The following EPB41 variants were observed in gnomAD, a reference collection of about 807,000 sequenced individuals.
EPB41 encodes erythrocyte membrane protein band 4.1, also known as protein 4.1.
A neutral mutation model predicts 108.0 loss-of-function variants in EPB41; 65 were observed. The ratio of observed to expected loss-of-function variants is 0.60; its 90% confidence interval spans 0.49 to 0.74. The LOEUF is 0.74. Among genes scored for constraint, EPB41 ranks in the 30% least tolerant of loss-of-function variants. The probability of loss-of-function intolerance (pLI) is 0.00; values close to 1 mark genes in which losing one functional copy is unlikely to be tolerated. For missense variants in EPB41, 875 were observed against 1,037.0 expected (o/e 0.84, Z 2.15); for synonymous variants, 336 against 358.9 (o/e 0.94, Z 0.72).
chr1:28,925,580 G>A (rs1019309649), intron 1 of EPB41, among the ~76,000 whole-genome samples: 3 of 152,120 alleles, frequency 2.0e-5, no homozygotes, highest in African/African-American at 4.8e-5. Context: ...TGACATTGGA[G>A]CAGAGTCCTA....
intron 16 of EPB41, among the ~76,000 whole-genome samples, chr1:29,092,514 A>T (rs1661636566): frequency 6.6e-6 from 1 of 152,160 alleles, no homozygotes; most frequent in Non-Finnish European, 1.5e-5. Flanking sequence ...TGCAGATGTC[A>T]CTTGCCATAA....
chr1:28,911,173 CTGGCAA>C, upstream of EPB41: 1 of 985,406 alleles, frequency 1.0e-6, no homozygotes, highest in Non-Finnish European at 1.2e-6. Context: ...TGTGATAGGC[CTGGCAA>C]CACTCAGAGA....
intron 1 of EPB41, among the ~76,000 whole-genome samples, chr1:28,929,826 G>A (rs1480600888): frequency 4.1e-5 from 6 of 148,072 alleles, no homozygotes; most frequent in South Asian, 2.1e-4. Context: ...GAGCCACCGC[G>A]CCTGGCACTG....
chr1:28,899,091 T>C (rs955018027), intron 1 of EPB41, among the ~76,000 whole-genome samples: 1 of 152,132 alleles, frequency 6.6e-6, no homozygotes, highest in Admixed American at 6.5e-5. Context: ...CAGTGCAAGA[T>C]CACACAGTAG....
chr1:29,028,254 T>C (rs72874975), intron 7 of EPB41, among the ~76,000 whole-genome samples: 1 of 152,276 alleles, frequency 6.6e-6, no homozygotes, highest in Middle Eastern at 3.4e-3. Flanking sequence ...GGAGTGAGTA[T>C]AGGGAAGATT....
At chr1:28,924,996 C>A (rs894189631) in intron 1 of EPB41, among the ~76,000 whole-genome samples, 1 of 143,114 alleles carries the variant, frequency 7.0e-6, no homozygotes, top group Non-Finnish European at 1.5e-5. Flanking sequence ...GATGGAGTCT[C>A]GCTCTGTCAC....
intron 16 of EPB41, among the ~76,000 whole-genome samples, chr1:29,079,346 C>T (rs1020018297): frequency 2.0e-5 from 3 of 151,760 alleles, no homozygotes; most frequent in African/African-American, 4.8e-5. Context: ...GTGTTTTAAG[C>T]GCTGGTATAA....
chr1:28,948,936 C>A (rs568086237), intron 1 of EPB41, among the ~76,000 whole-genome samples: 4 of 151,942 alleles, frequency 2.6e-5, no homozygotes, highest in African/African-American at 9.7e-5. Context: ...GGTGACGGAG[C>A]GAGACTCCAT....
intron 1 of EPB41, among the ~76,000 whole-genome samples, chr1:28,929,879 T>C (rs1475478603): frequency 6.8e-6 from 1 of 147,462 alleles, no homozygotes; most frequent in Non-Finnish European, 1.5e-5. Flanking sequence ...AAGACTTTAT[T>C]GAGATATAAT....
chr1:28,921,938 T>TTATATATATATATATATATA lies in EPB41; in HGVS notation c.-8+7175_-8+7194dup, dbSNP rs66808636. ...TAAATAGTATTTTATTTATGAAATT[T>TTATATATATATATATATATA]TATATATATATATATATATATATAC... On this transcript the variant is annotated intron_variant, in intron 1 of 20. Transcript: ENST00000343067. 8.8e-3 allele frequency among the ~76,000 whole-genome samples: 896 copies of TTATATATATATATATATATA among 102,186 alleles called. 11 individuals carry two copies. The highest frequency in any genetic ancestry group is 0.04 in the East Asian group (45 of 1,136). The allele number at this position is 102,186 out of a possible 152,430, so 67.0% of individuals were successfully genotyped here.
Position 28,887,309 on chromosome 1 carries a change from A to G in EPB41, c.-8+99A>G. On this transcript the variant is annotated intron_variant, in intron 1 of 16. Coordinates refer to the EPB41 transcript ENST00000347529. This position sits in a 1 kb window ranked among gnomAD's most constrained non-coding sequence, Gnocchi z 4.9. Reference sequence around the variant, plus strand: ...CCAAGGGCTCGGACCGTCCCGGGAGAGGCGAGACCAGGGTCGAAGGGTCCA... The same window carrying G: ...CCAAGGGCTCGGACCGTCCCGGGAGGGGCGAGACCAGGGTCGAAGGGTCCA... 1.7e-6 allele frequency: 2 copies of G among 1,208,550 alleles called. No individual in the cohort carries two copies. The highest frequency in any genetic ancestry group is 1.6e-5 in the African/African-American group (1 of 62,598). 74.9% of individuals were successfully genotyped at this position (1,208,550 alleles called of 1,614,324 possible). A position where few individuals can be genotyped will look rare whatever the true frequency, so the allele number is the denominator to read the frequency against.
intron 2 of EPB41, among the ~76,000 whole-genome samples, chr1:28,990,056 ACCATCCTGG>A (rs1186568969): frequency 6.6e-6 from 1 of 151,980 alleles, no homozygotes; most frequent in Non-Finnish European, 1.5e-5. Context: ...GGAGTTTGAG[ACCATCCTGG>A]CCAACATGGT....
intron 11 of EPB41, among the ~76,000 whole-genome samples, chr1:29,049,776 A>G (rs147781616): frequency 1.3e-5 from 2 of 152,308 alleles, no homozygotes; most frequent in East Asian, 3.8e-4. Context: ...GTGGGTCACC[A>G]TCAGCATTTT....
At chr1:29,095,070 A>T in intron 16 of EPB41, among the ~76,000 whole-genome samples, 1 of 152,188 alleles carries the variant, frequency 6.6e-6, no homozygotes, top group South Asian at 2.1e-4. Flanking sequence ...CATAGATGCA[A>T]TTTTTTTTCC....
chr1:29,097,871 T>A lies in EPB41; in HGVS notation c.2249T>A (p.Ile750Asn). The A allele has an allele frequency of 6.2e-7, 1 of 1,613,910 alleles. No homozygotes were observed. The highest frequency in any genetic ancestry group is 8.5e-7 in the Non-Finnish European group (1 of 1,179,882). ...SDNANAVKSE[I>N]PTKDVPIVHT... The stretch of plus-strand genomic sequence containing the variant: ...AATGCCAATGCTGTGAAAAGTGAAA[T>A]CCCAACCAAAGACGTCCCTATTGTC... The change falls in exon 17 of 21, where the codon ATC (isoleucine) becomes AAC (asparagine). Residue 750 changes from isoleucine to asparagine, a missense_variant. This residue lies in a region of EPB41 where 519 missense variants were observed against 627.3 expected (regional missense o/e 0.83). Coordinates refer to ENST00000343067, the MANE Select transcript of EPB41 (RefSeq NM_001376013.1).
intron 1 of EPB41, among the ~76,000 whole-genome samples, chr1:28,984,584 A>G (rs573017918): frequency 6.6e-6 from 1 of 152,222 alleles, no homozygotes; most frequent in Admixed American, 6.5e-5. Context: ...ACTTGAATAA[A>G]TTTAGAGAAT....
chr1:29,030,514 T>A lies in EPB41; in HGVS notation c.1212+27T>A, dbSNP rs370105747. 159 of 1,495,636 alleles carry A rather than the reference T, an allele frequency of 1.1e-4. 1 individual carries two copies. In the African/African-American group the frequency reaches 1.7e-3, roughly 16 times the overall value. The allele number at this position is 1,495,636 out of a possible 1,614,324, so 92.6% of individuals were successfully genotyped here. On this transcript the variant is annotated intron_variant, in intron 8 of 20. Coordinates refer to ENST00000343067, the MANE Select transcript of EPB41 (RefSeq NM_001376013.1). The stretch of plus-strand genomic sequence containing the variant: ...TAATGATAACTTTGCCCTTTATTAA[T>A]ATGCATGTGGAAGATATTATATGAT...
chr1:28,995,905 AGACT>A (rs1268584505), intron 3 of EPB41, among the ~76,000 whole-genome samples: 1 of 152,236 alleles, frequency 6.6e-6, no homozygotes, highest in African/African-American at 2.4e-5. Flanking sequence ...GGATGAGTTA[AGACT>A]GACAATGAAT....
intron 14 of EPB41, among the ~76,000 whole-genome samples, chr1:29,060,190 A>G (rs2150927706): frequency 6.6e-6 from 1 of 152,354 alleles, no homozygotes; most frequent in Middle Eastern, 3.4e-3. Flanking sequence ...AGCACTGTCT[A>G]TTTAAATAAC....
Sources: allele counts gnomAD v4.1 joint callset (sites outside exome capture counted in the v4.1 genomes callset), GRCh38; gene constraint gnomAD v4.1.1; regional missense constraint gnomAD v4.1.1; non-coding constraint Gnocchi (gnomAD v3.1); transcripts MANE v1.5; gene names NCBI Gene and HGNC (gene_info 2026-07-23, HGNC 2026-07-21).